Variants in CDK13 observed in about 807,000 individuals in gnomAD.
The protein encoded by CDK13 is cyclin-dependent kinase 13.
In CDK13, 40 loss-of-function variants were observed where a neutral mutation model predicts 137.6. That is an observed-to-expected ratio of 0.29 (90% CI 0.23 to 0.38). The LOEUF is 0.38. Among genes scored for constraint, CDK13 ranks in the 10% least tolerant of loss-of-function variants. The pLI is 1.00. For missense variants in CDK13, 1,704 were observed against 1,951.8 expected, an observed-to-expected ratio of 0.87 and a Z score of 2.39; for synonymous variants, 869 against 760.1, an observed-to-expected ratio of 1.14 and a Z score of -2.36.
chr7:39,956,524 T>C (rs1787413876), intron 1 of CDK13, among the ~76,000 whole-genome samples: 1 of 152,218 alleles, frequency 6.6e-6, no homozygotes. Flanking sequence ...AGGAGAGTTT[T>C]CTTAATATCT....
intron 1 of CDK13, among the ~76,000 whole-genome samples, chr7:39,971,863 A>G (rs1340859821): frequency 6.6e-6 from 1 of 152,274 alleles, no homozygotes; most frequent in Non-Finnish European, 1.5e-5. Flanking sequence ...CAACAGAGCA[A>G]GACTCCATCT....
chr7:40,066,738 T>A (rs753663113), intron 9 of CDK13: 1 of 152,348 alleles, frequency 6.6e-6, no homozygotes. Context: ...TGATGTGTTA[T>A]GGGTGTGGTT....
chr7:39,993,376 T>C (rs1282498015), intron 2 of CDK13, among the ~76,000 whole-genome samples: 1 of 152,188 alleles, frequency 6.6e-6, no homozygotes, highest in Non-Finnish European at 1.5e-5. Flanking sequence ...ATTTGGCCAG[T>C]GGAAGCTCCT....
chr7:40,047,074 G>C (rs373648597), intron 6 of CDK13, among the ~76,000 whole-genome samples: 2 of 148,464 alleles, frequency 1.3e-5, no homozygotes, highest in East Asian at 3.9e-4. Context: ...ATAATACTTA[G>C]TTGACTTTTC....
chr7:39,983,144 T>C (rs1203860312), intron 1 of CDK13, among the ~76,000 whole-genome samples: 1 of 152,240 alleles, frequency 6.6e-6, no homozygotes, highest in Non-Finnish European at 1.5e-5. Context: ...AGGGTTTTTA[T>C]GGTTTTAGGT....
chr7:40,005,161 G>T (rs530829118), intron 5 of CDK13, among the ~76,000 whole-genome samples: 20 of 133,374 alleles, frequency 1.5e-4, no homozygotes, highest in Non-Finnish European at 2.8e-4. Context: ...GTGACAGAGC[G>T]AGACTCTTGT....
chr7:39,958,251 A>G (rs1483615947), intron 1 of CDK13, among the ~76,000 whole-genome samples: 2 of 152,202 alleles, frequency 1.3e-5, no homozygotes, highest in Non-Finnish European at 2.9e-5. Flanking sequence ...TTTCAGTTGC[A>G]TAGGGGCACT....
intron 5 of CDK13, among the ~76,000 whole-genome samples, chr7:40,016,048 T>C (rs927546750): frequency 1.4e-4 from 21 of 152,324 alleles, no homozygotes; most frequent in African/African-American, 4.3e-4. Flanking sequence ...CAAGAACAGA[T>C]AGAATTCTGC....
At position 40,003,206 on chromosome 7, in the gene CDK13, A is replaced by ACTCTCTCTCTCT. The variant is rs144732307; in HGVS notation, c.2353+1184_2353+1195dup. ...CACACACACACACACACACACACACACTCTCTCTCTCTCTCTCTCTTACTC... is the reference window on the plus strand; with the variant it reads ...CACACACACACACACACACACACACACTCTCTCTCTCTCTCTCTCTCTCTCTCTCTCTTACTC... On this transcript the variant is annotated intron_variant, in intron 5 of 13. Transcript: ENST00000181839. 7.3e-4 allele frequency among the ~76,000 whole-genome samples: 58 copies of ACTCTCTCTCTCT among 79,888 alleles called. 2 individuals carry two copies. The highest frequency in any genetic ancestry group is 1.4e-3 in the African/African-American group (29 of 21,066). 52.4% of individuals were successfully genotyped at this position (79,888 alleles called of 152,430 possible).
Position 40,097,928 on chromosome 7 carries a change from G to A in CDK13, c.*2948G>A, listed in dbSNP as rs901145623. The A allele has an allele frequency of 6.6e-6, 1 of 152,118 alleles. No homozygotes were observed. The highest frequency in any genetic ancestry group is 1.5e-5 in the Non-Finnish European group (1 of 67,994). The allele number at this position is 152,118 out of a possible 1,614,324, so 9.4% of individuals were successfully genotyped here. On this transcript the variant is annotated 3_prime_UTR_variant, in exon 14 of 14. Transcript: ENST00000181839. ...CTACAACATGCCAGGTAGTAATCTA[G>A]TCCTTGGGGTACATCAATAACCGTC... is the stretch of plus-strand genomic sequence containing the variant.
At chr7:40,062,781 C>T (rs761165140) in intron 7 of CDK13, 45 bp from the exon 8 acceptor site, 7 of 1,338,212 alleles carry the variant, frequency 5.2e-6, no homozygotes, top group Middle Eastern at 1.8e-4. Flanking sequence ...ATCTGTCTTA[C>T]TCCAACAAAT....
At chr7:40,004,452 T>C (rs977578558) in intron 5 of CDK13, among the ~76,000 whole-genome samples, 1 of 152,260 alleles carries the variant, frequency 6.6e-6, no homozygotes, top group African/African-American at 2.4e-5. Flanking sequence ...ATTACTTAAA[T>C]GCATTAGAGA....
At chr7:40,037,514 G>C (rs1785510714) in intron 5 of CDK13, among the ~76,000 whole-genome samples, 1 of 152,176 alleles carries the variant, frequency 6.6e-6, no homozygotes, top group Non-Finnish European at 1.5e-5. Flanking sequence ...GGTAGACGCT[G>C]CATTGTCTTT....
chr7:39,998,799 G>C (rs1784617989), intron 3 of CDK13: 1 of 151,826 alleles, frequency 6.6e-6, no homozygotes, highest in Non-Finnish European at 1.5e-5. Flanking sequence ...CTTAAACGTG[G>C]CTTCCTGAGA....
chr7:39,980,708 CAGTGG>C (rs1175923570), intron 1 of CDK13, among the ~76,000 whole-genome samples: 2 of 152,146 alleles, frequency 1.3e-5, no homozygotes, highest in Non-Finnish European at 2.9e-5. Context: ...TTATTTTCAA[CAGTGG>C]AGGACTGGAT....
intron 1 of CDK13, among the ~76,000 whole-genome samples, chr7:39,974,355 C>T (rs1003407175): frequency 2.6e-5 from 4 of 152,020 alleles, no homozygotes; most frequent in Non-Finnish European, 5.9e-5. Flanking sequence ...CATGAGCCAG[C>T]GCGCCTGGCC....
chr7:39,954,197 C>T (rs1011727350), intron 1 of CDK13, among the ~76,000 whole-genome samples: 3 of 151,936 alleles, frequency 2.0e-5, no homozygotes, highest in East Asian at 1.9e-4. Context: ...AAAACTCATA[C>T]GGTTTTCAGA....
At chr7:39,953,170 G>A (rs1787292127) in intron 1 of CDK13, among the ~76,000 whole-genome samples, 1 of 152,188 alleles carries the variant, frequency 6.6e-6, no homozygotes, top group African/African-American at 2.4e-5. Context: ...ATCTGAGCGT[G>A]AGTTTGTCTT....
chr7:39,987,257 A>C, intron 1 of CDK13: 1 of 176,152 alleles, frequency 5.7e-6, no homozygotes. Flanking sequence ...CTCCTGGTAA[A>C]AGATTTGTCA....
Sources: allele counts gnomAD v4.1 joint callset (sites outside exome capture counted in the v4.1 genomes callset), GRCh38; gene constraint gnomAD v4.1.1; transcripts MANE v1.5; gene names NCBI Gene and HGNC (gene_info 2026-07-23, HGNC 2026-07-21).